The following CTNNA3 variants were observed in gnomAD, a reference collection of about 807,000 sequenced individuals.
CTNNA3 encodes catenin alpha-3.
In CTNNA3, 76 loss-of-function variants were observed where a neutral mutation model predicts 95.7. The observed-to-expected ratio is 0.79, with a 90% confidence interval of 0.66 to 0.96. CTNNA3 has a LOEUF of 0.96. Ranked by LOEUF, CTNNA3 falls within the 40% of genes least tolerant of loss-of-function variation. CTNNA3 has a pLI of 0.00. For synonymous variants in CTNNA3, 431 were observed against 374.4 expected (o/e 1.15, Z -1.74); for missense variants, 1,191 against 1,089.8 (o/e 1.09, Z -1.31).
In CTNNA3 at chr10:66,784,311, T is replaced by C. The variant is rs565524013; in HGVS notation, c.1048-8787A>G. ...AAATTTTTCCTTCAAGATAAATTAG[T>C]AGGTAATAATTTTCTTTACAATAGG... On this transcript the variant is annotated intron_variant, in intron 7 of 17. Coordinates refer to ENST00000433211, the MANE Select transcript of CTNNA3 (RefSeq NM_013266.4). 3.1e-4 allele frequency among the ~76,000 whole-genome samples: 47 copies of C among 152,138 alleles called. No individual in the cohort carries two copies. The East Asian group carries it at 6.8e-3, about 22-fold the overall frequency.
intron 9 of CTNNA3, among the ~76,000 whole-genome samples, chr10:66,753,889 T>G (rs922640255): frequency 1.3e-5 from 2 of 151,958 alleles, no homozygotes; most frequent in Non-Finnish European, 2.9e-5. Flanking sequence ...AAAGGAGATC[T>G]AAATAAGTAG....
intron 13 of CTNNA3, among the ~76,000 whole-genome samples, chr10:66,122,439 C>T (rs187860764): frequency 2.0e-4 from 31 of 152,176 alleles, no homozygotes; most frequent in African/African-American, 6.0e-4. Flanking sequence ...ATGATAATGG[C>T]TGATCGTTTT....
At chr10:67,602,192 T>TAAA (rs5785827) in intron 3 of CTNNA3, among the ~76,000 whole-genome samples, 7 of 147,008 alleles carry the variant, frequency 4.8e-5, no homozygotes, top group African/African-American at 7.5e-5. Context: ...CAAATACCTT[T>TAAA]AAAAAAAAAA....
chr10:66,566,354 T>C (rs1195453932), intron 10 of CTNNA3, among the ~76,000 whole-genome samples: 2 of 152,146 alleles, frequency 1.3e-5, no homozygotes, highest in Non-Finnish European at 2.9e-5. Flanking sequence ...TCCTAGATCA[T>C]GACAATAAAT....
intron 15 of CTNNA3, among the ~76,000 whole-genome samples, chr10:66,005,155 T>C (rs1239972898): frequency 6.6e-6 from 1 of 152,242 alleles, no homozygotes; most frequent in African/African-American, 2.4e-5. Context: ...TTCTCCTTTC[T>C]GTTCTCCTGT....
At chr10:66,480,882 C>T (rs1379744899) in intron 11 of CTNNA3, among the ~76,000 whole-genome samples, 2 of 152,080 alleles carry the variant, frequency 1.3e-5, no homozygotes, top group Non-Finnish European at 2.9e-5. Context: ...GGATTACAGG[C>T]GTGAGCCACC....
chr10:67,250,894 C>G (rs1398635271), intron 5 of CTNNA3, among the ~76,000 whole-genome samples: 2 of 152,154 alleles, frequency 1.3e-5, no homozygotes, highest in Non-Finnish European at 2.9e-5. Flanking sequence ...TAAAATGGTA[C>G]AGCCACTTTG....
chr10:66,355,056 C>T (rs920968469), intron 12 of CTNNA3, among the ~76,000 whole-genome samples: 3 of 152,042 alleles, frequency 2.0e-5, no homozygotes, highest in South Asian at 2.1e-4. Context: ...GGAATACACA[C>T]GCTAGACAGG....
chr10:66,779,699 A>C (rs913432641), intron 7 of CTNNA3, among the ~76,000 whole-genome samples: 2 of 152,166 alleles, frequency 1.3e-5, no homozygotes, highest in Non-Finnish European at 2.9e-5. Flanking sequence ...TCAGTTACTA[A>C]ATTTTACATA....
At chr10:66,225,200 C>T (rs2089208867) in intron 13 of CTNNA3, among the ~76,000 whole-genome samples, 1 of 151,628 alleles carries the variant, frequency 6.6e-6, no homozygotes, top group Non-Finnish European at 1.5e-5. Flanking sequence ...CCTTTCCTCC[C>T]TCCTACCAAT....
At chr10:66,907,842 C>T (rs1400444066) in intron 7 of CTNNA3, among the ~76,000 whole-genome samples, 2 of 152,072 alleles carry the variant, frequency 1.3e-5, no homozygotes, top group African/African-American at 4.8e-5. Context: ...TTAAAAGAAA[C>T]CCAGACTGTC....
rs1446060635 is a variant in CTNNA3 at position 66,610,243 on chromosome 10, T to TG, written c.1374+11448dup. Among the ~76,000 whole-genome samples, 4 of 119,700 alleles carry TG rather than the reference T, an allele frequency of 3.3e-5. No homozygotes were observed. The South Asian group carries it at 1.0e-3, about 30-fold the overall frequency. The allele number at this position is 119,700 out of a possible 152,430, so 78.5% of individuals were successfully genotyped here. A position where few individuals can be genotyped will look rare whatever the true frequency, so the allele number is the denominator to read the frequency against. ...TCCAGTTTTTGTGTAAAAATACCCATGGGGGGGCTATGTTCCTGGAGCAAT... is the reference window on the plus strand; with the variant it reads ...TCCAGTTTTTGTGTAAAAATACCCATGGGGGGGGCTATGTTCCTGGAGCAAT... On this transcript the variant is annotated intron_variant, in intron 10 of 17. Coordinates refer to ENST00000433211, the MANE Select transcript of CTNNA3 (RefSeq NM_013266.4).
chr10:66,686,905 T>C (rs373481035), intron 9 of CTNNA3, among the ~76,000 whole-genome samples: 2 of 152,264 alleles, frequency 1.3e-5, no homozygotes, highest in African/African-American at 4.8e-5. Context: ...GTTTTTTGTT[T>C]TTTTGTCACA....
intron 11 of CTNNA3, among the ~76,000 whole-genome samples, chr10:66,391,132 T>C (rs539549647): frequency 6.6e-6 from 1 of 152,282 alleles, no homozygotes; most frequent in East Asian, 1.9e-4. Flanking sequence ...GCCCAGTTTC[T>C]TTGCACTGAA....
intron 7 of CTNNA3, among the ~76,000 whole-genome samples, chr10:67,060,063 C>T (rs1437074199): frequency 6.6e-6 from 1 of 152,072 alleles, no homozygotes. Flanking sequence ...CACCTGTAAT[C>T]CCAGCACTTT....
At chr10:66,041,988 C>T (rs1161101859) in intron 15 of CTNNA3, among the ~76,000 whole-genome samples, 1 of 152,198 alleles carries the variant, frequency 6.6e-6, no homozygotes, top group Non-Finnish European at 1.5e-5. Flanking sequence ...TGACCCTTCC[C>T]TGTTCTCAAG....
chr10:66,053,355 T>G (rs1189364416), intron 15 of CTNNA3, among the ~76,000 whole-genome samples: 1 of 152,062 alleles, frequency 6.6e-6, no homozygotes, highest in Non-Finnish European at 1.5e-5. Context: ...TTTTTTAAAC[T>G]TTGTTTTGTT....
intron 13 of CTNNA3, among the ~76,000 whole-genome samples, chr10:66,232,161 G>A (rs760932093): frequency 1.7e-4 from 26 of 152,088 alleles, no homozygotes; most frequent in South Asian, 2.1e-4. Flanking sequence ...AGTCTAGTTC[G>A]ACTTTGAGCA....
intron 15 of CTNNA3, among the ~76,000 whole-genome samples, chr10:66,035,302 A>T (rs918762765): frequency 1.1e-4 from 16 of 152,134 alleles, no homozygotes; most frequent in African/African-American, 3.9e-4. Flanking sequence ...GTATACAGAC[A>T]TGGGGGGTCT....
Sources: gnomAD v4.1 joint callset for allele counts (sites outside exome capture counted in the v4.1 genomes callset) on GRCh38, gnomAD v4.1.1 for gene constraint, MANE v1.5 for transcripts, NCBI Gene and HGNC (gene_info 2026-07-23, HGNC 2026-07-21) for gene names.